Variants in SLC44A5 observed in about 807,000 individuals in gnomAD.
The protein encoded by SLC44A5 is solute carrier family 44 member 5, also known as choline transporter-like protein 5.
Under a neutral mutation model 101.8 loss-of-function variants are expected in SLC44A5, and 57 were observed. That is an observed-to-expected ratio of 0.56 (90% CI 0.45 to 0.70). The LOEUF (loss-of-function observed/expected upper bound fraction) is 0.70. Ranked by LOEUF, SLC44A5 falls within the 30% of genes least tolerant of loss-of-function variation. The probability of loss-of-function intolerance (pLI) is 0.00; values close to 1 mark genes in which losing one functional copy is unlikely to be tolerated. For synonymous variants in SLC44A5, 281 were observed against 290.9 expected (o/e 0.97, Z 0.35); for missense variants, 737 against 853.1 (o/e 0.86, Z 1.70).
intron 2 of SLC44A5, among the ~76,000 whole-genome samples, chr1:75,495,711 GAA>G (rs1158489798): frequency 6.6e-6 from 1 of 151,734 alleles, no homozygotes; most frequent in South Asian, 2.1e-4. Flanking sequence ...AGAAAAAAAT[GAA>G]AAAGAGTGAA....
chr1:75,218,544 T>G lies in SLC44A5; in HGVS notation c.1475A>C (p.Lys492Thr), dbSNP rs1429840139. The G allele has an allele frequency of 6.2e-7, 1 of 1,613,794 alleles. No individual in the cohort carries two copies. Among genetic ancestry groups the G allele is most frequent in the Admixed American group, 1.7e-5 (1 of 59,996 alleles). The change falls in exon 17 of 24, where the codon AAA becomes ACA. Residue 492 changes from lysine to threonine, a missense_variant. Around this residue, in one of 3 missense-constraint regions of SLC44A5, gnomAD observed 665 missense variants for 764.4 expected, o/e 0.87. Coordinates refer to ENST00000370859, the MANE Select transcript of SLC44A5 (RefSeq NM_001130058.2). Reference sequence around the variant, plus strand: ...TGGATATCGTGGGATGTCATCAGGTTTTTTCATGGCCCAGTAATAAGTAGC... The same window carrying G: ...TGGATATCGTGGGATGTCATCAGGTGTTTTCATGGCCCAGTAATAAGTAGC... ...AFATYYWAMK[K>T]PDDIPRYPLF...
the SLC44A5 span, among the ~76,000 whole-genome samples, chr1:75,707,501 T>TG: frequency 5.3e-5 from 8 of 152,208 alleles, no homozygotes; most frequent in African/African-American, 1.9e-4. Flanking sequence ...CCTTGACCTC[T>TG]GACTCAGGGT....
chr1:75,279,695 T>A (rs993436186), intron 5 of SLC44A5, among the ~76,000 whole-genome samples: 1 of 152,116 alleles, frequency 6.6e-6, no homozygotes, highest in Non-Finnish European at 1.5e-5. Flanking sequence ...ATGTATAGTA[T>A]CCCCAAACAG....
chr1:75,541,885 T>C (rs1046307143), intron 1 of SLC44A5, among the ~76,000 whole-genome samples: 5 of 152,218 alleles, frequency 3.3e-5, no homozygotes, highest in Non-Finnish European at 5.9e-5. Flanking sequence ...CATTTATGTT[T>C]TATGTTTTGC....
the SLC44A5 span, among the ~76,000 whole-genome samples, chr1:75,680,596 G>A: frequency 2.7e-5 from 4 of 150,896 alleles, no homozygotes; most frequent in Non-Finnish European, 5.9e-5. Context: ...AGAATCTCTG[G>A]GACGCATTCA....
At chr1:75,431,164 T>C (rs1664592764) in intron 2 of SLC44A5, among the ~76,000 whole-genome samples, 1 of 152,190 alleles carries the variant, frequency 6.6e-6, no homozygotes, top group African/African-American at 2.4e-5. Flanking sequence ...AATCCAATAC[T>C]TGAAGTAAAC....
At chr1:75,266,701 T>C (rs1294154559) in intron 6 of SLC44A5, among the ~76,000 whole-genome samples, 1 of 152,216 alleles carries the variant, frequency 6.6e-6, no homozygotes, top group Non-Finnish European at 1.5e-5. Flanking sequence ...TACCCCTTTT[T>C]TCTCATTCAT....
chr1:75,351,211 TG>T (rs1220581949), intron 3 of SLC44A5, among the ~76,000 whole-genome samples: 2 of 152,012 alleles, frequency 1.3e-5, no homozygotes. Flanking sequence ...AAAATGTGAA[TG>T]TTTAGAACCA....
chr1:75,517,434 A>G (rs1292381527), intron 2 of SLC44A5, among the ~76,000 whole-genome samples: 1 of 152,204 alleles, frequency 6.6e-6, no homozygotes, highest in Non-Finnish European at 1.5e-5. Flanking sequence ...TCAGTGACAA[A>G]AAAAAACTTT....
chr1:75,676,538 T>G, the SLC44A5 span, among the ~76,000 whole-genome samples: 1 of 152,024 alleles, frequency 6.6e-6, no homozygotes, highest in Non-Finnish European at 1.5e-5. Context: ...CACTGGGGCT[T>G]GTTGGGAAAA....
intron 1 of SLC44A5, among the ~76,000 whole-genome samples, chr1:75,555,491 G>T (rs1462685232): frequency 2.0e-5 from 3 of 152,088 alleles, no homozygotes; most frequent in African/African-American, 7.2e-5. Flanking sequence ...TTCCTGACTT[G>T]AATGAATAAG....
intron 2 of SLC44A5, among the ~76,000 whole-genome samples, chr1:75,415,122 C>A (rs1459484470): frequency 2.0e-5 from 3 of 152,110 alleles, no homozygotes; most frequent in Non-Finnish European, 4.4e-5. Context: ...TACATAAACA[C>A]AAATGATATT....
intron 1 of SLC44A5, among the ~76,000 whole-genome samples, chr1:75,593,419 C>G (rs931528009): frequency 3.9e-5 from 6 of 152,038 alleles, no homozygotes; most frequent in Non-Finnish European, 8.8e-5. Context: ...CAAAGAAGAA[C>G]AGTTTGGAGG....
chr1:75,436,654 C>A (rs1241037816), intron 2 of SLC44A5, among the ~76,000 whole-genome samples: 1 of 152,058 alleles, frequency 6.6e-6, no homozygotes, highest in Non-Finnish European at 1.5e-5. Flanking sequence ...AAAATTTATA[C>A]ACAAATATTT....
At chr1:75,218,109 C>T (rs1028446092) in intron 17 of SLC44A5, 149 bp from the exon 18 acceptor site, 1 of 637,320 alleles carries the variant, frequency 1.6e-6, no homozygotes, top group African/African-American at 1.8e-5. Flanking sequence ...TGATAAAAGT[C>T]TCTATAGAGG....
At chr1:75,315,324 ATAAAGTCTT>A (rs1259289435) in intron 4 of SLC44A5, among the ~76,000 whole-genome samples, 1 of 152,196 alleles carries the variant, frequency 6.6e-6, no homozygotes, top group East Asian at 1.9e-4. Flanking sequence ...GCACCAGTCT[ATAAAGTCTT>A]TGGTTTTCTA....
chr1:75,715,676 C>T, the SLC44A5 span, among the ~76,000 whole-genome samples: 1 of 152,204 alleles, frequency 6.6e-6, no homozygotes, highest in East Asian at 1.9e-4. Context: ...AATGTAAAAG[C>T]TAAAACTATA....
chr1:75,402,963 C>G (rs1027535563), intron 2 of SLC44A5, among the ~76,000 whole-genome samples: 1 of 152,214 alleles, frequency 6.6e-6, no homozygotes, highest in South Asian at 2.1e-4. Context: ...TTCTCGCTGA[C>G]AGCACAGCAG....
the SLC44A5 span, among the ~76,000 whole-genome samples, chr1:75,692,507 T>C: frequency 1.3e-5 from 2 of 152,152 alleles, no homozygotes; most frequent in Non-Finnish European, 2.9e-5. Context: ...AGGATGGGAT[T>C]CTATGCAGAA....
Sources: gnomAD v4.1 joint callset for allele counts (sites outside exome capture counted in the v4.1 genomes callset) on GRCh38, gnomAD v4.1.1 for gene constraint, gnomAD v4.1.1 regional missense constraint, MANE v1.5 for transcripts, NCBI Gene and HGNC (gene_info 2026-07-23, HGNC 2026-07-21) for gene names.